CTCF: variants seen among roughly 807,000 people sequenced by gnomAD.
The protein encoded by CTCF is CCCTC-binding factor, also known as transcriptional repressor CTCF.
Under a neutral mutation model 72.3 loss-of-function variants are expected in CTCF, and 7 were observed. The observed-to-expected ratio is 0.10, with a 90% CI of 0.06 to 0.18. The LOEUF is 0.18. Among genes scored for constraint, CTCF ranks in the 10% least tolerant of loss-of-function variants. CTCF has a pLI of 1.00. For synonymous variants in CTCF, 374 were observed against 315.8 expected (o/e 1.18, Z -1.95); for missense variants, 516 against 949.1 (o/e 0.54, Z 6.00).
intron 2 of CTCF, among the ~76,000 whole-genome samples, chr16:67,609,692 T>G (rs1048830125): frequency 2.0e-5 from 3 of 151,654 alleles, no homozygotes; most frequent in African/African-American, 7.3e-5. Flanking sequence ...GGCGCGATCT[T>G]GGCTCACTGC....
At chr16:67,588,503 C>T (rs1391636132) in intron 2 of CTCF, among the ~76,000 whole-genome samples, 1 of 152,058 alleles carries the variant, frequency 6.6e-6, no homozygotes, top group East Asian at 1.9e-4. Context: ...TTAGGTTACT[C>T]TACACCAGCA....
chr16:67,632,090 G>A (rs1284903915), intron 10 of CTCF, among the ~76,000 whole-genome samples: 2 of 136,362 alleles, frequency 1.5e-5, no homozygotes, highest in South Asian at 2.3e-4. Flanking sequence ...AAAAAAAAAA[G>A]GGAAAAAAAT....
chr16:67,584,494 A>G (rs1221529203), intron 2 of CTCF, among the ~76,000 whole-genome samples: 1 of 151,240 alleles, frequency 6.6e-6, no homozygotes, highest in Non-Finnish European at 1.5e-5. Flanking sequence ...GCGTGGTGGA[A>G]TTTTTGTACT....
chr16:67,614,178 C>T (rs2052099068), intron 4 of CTCF: 1 of 151,510 alleles, frequency 6.6e-6, no homozygotes, highest in African/African-American at 2.4e-5. Flanking sequence ...GAAACCTCGT[C>T]TCTACTAAAA....
intron 2 of CTCF, among the ~76,000 whole-genome samples, chr16:67,587,099 C>CTTTTTTTTTTTTTTTTTTTTTT (rs1194757717): frequency 7.8e-6 from 1 of 127,588 alleles, no homozygotes; most frequent in Non-Finnish European, 1.7e-5. Context: ...ACTTCTTAAA[C>CTTTTTTTTTTTTTTTTTTTTTT]ATTTTTTTTT....
intron 10 of CTCF, 115 bp from the exon 11 acceptor site, chr16:67,636,575 A>G: frequency 3.2e-6 from 1 of 309,072 alleles, no homozygotes; most frequent in Non-Finnish European, 5.2e-6. Context: ...AAGTGTATAT[A>G]TATATATATA....
chr16:67,622,124 A>G (rs149149637), intron 7 of CTCF, among the ~76,000 whole-genome samples: 2,001 of 152,254 alleles, frequency 0.013, 28 homozygotes, highest in Non-Finnish European at 0.021. Flanking sequence ...TGGGAGGCCA[A>G]CGCGGGTGGA....
chr16:67,620,630 A>C, intron 5 of CTCF, 67 bp from the exon 6 acceptor site: 13 of 1,372,768 alleles, frequency 9.5e-6, no homozygotes, highest in Non-Finnish European at 1.3e-5. Flanking sequence ...TTTTGTGCCT[A>C]ACCTACTGTG....
intron 2 of CTCF, among the ~76,000 whole-genome samples, chr16:67,606,166 CCCTCT>C (rs1396160120): frequency 6.6e-6 from 1 of 152,088 alleles, no homozygotes; most frequent in Non-Finnish European, 1.5e-5. Context: ...TGTCTTACTA[CCCTCT>C]CCTCTGTCCT....
chr16:67,572,948 C>T (rs867488746), intron 2 of CTCF, among the ~76,000 whole-genome samples: 1 of 76,620 alleles, frequency 1.3e-5, no homozygotes, highest in Non-Finnish European at 2.5e-5. Context: ...CCCCCCCCCG[C>T]CCCCCCCCCC....
intron 4 of CTCF, among the ~76,000 whole-genome samples, chr16:67,613,120 G>A (rs2052082926): frequency 1.3e-5 from 2 of 152,330 alleles, no homozygotes; most frequent in South Asian, 4.1e-4. Context: ...CAGGTTCCCT[G>A]AGGTCTCTAA....
In CTCF at chr16:67,616,961, G is replaced by A. The variant is rs896801040; in HGVS notation, c.1086+83G>A. On this transcript the variant is annotated intron_variant, in intron 5 of 11. Transcript: ENST00000264010. ...ACAAAGCTATAACTACTACCCAAAC[G>A]GACTTAAGATGAGGTAGAAAAATGT... 2.9e-5 allele frequency: 41 copies of A among 1,405,804 alleles called. No individual in the cohort carries two copies. In the Admixed American group the frequency reaches 5.7e-4, roughly 20 times the overall value. The allele number at this position is 1,405,804 out of a possible 1,614,324, so 87.1% of individuals were successfully genotyped here.
intron 10 of CTCF, among the ~76,000 whole-genome samples, chr16:67,634,600 C>T (rs1367811878): frequency 1.3e-5 from 2 of 151,502 alleles, no homozygotes; most frequent in Non-Finnish European, 1.5e-5. Context: ...ACGCTGCAGC[C>T]TCTACCTCCC....
At chr16:67,573,162 G>A (rs1194378691) in intron 2 of CTCF, among the ~76,000 whole-genome samples, 1 of 151,948 alleles carries the variant, frequency 6.6e-6, no homozygotes. Context: ...TGAGGCAGAA[G>A]AATTGTTTGA....
chr16:67,621,744 G>A (rs2052201322), intron 7 of CTCF, among the ~76,000 whole-genome samples, 153 bp downstream of exon 7: 1 of 140,354 alleles, frequency 7.1e-6, no homozygotes, highest in African/African-American at 2.9e-5. Flanking sequence ...CCATTGCTTA[G>A]CTGCTTTTTT....
At chr16:67,609,576 T>C (rs2052029306) in intron 2 of CTCF, among the ~76,000 whole-genome samples, 1 of 152,062 alleles carries the variant, frequency 6.6e-6, no homozygotes, top group Non-Finnish European at 1.5e-5. Context: ...TTTATCTGTA[T>C]CAGAGTTTCT....
chr16:67,628,571 C>T lies in CTCF; in HGVS notation c.1701+19C>T. The T allele has an allele frequency of 1.2e-6, 2 of 1,610,806 alleles. No individual in the cohort carries two copies. The highest frequency in any genetic ancestry group is 1.7e-5 in the Admixed American group (1 of 59,860). ...ACGTCGGGTAAGGGTCAGAACTTCA[C>T]TTTGCCTGTTATGATACTGAATATT... On this transcript the variant is annotated intron_variant, in intron 9 of 11. Transcript: ENST00000264010.
chr16:67,565,867 T>C (rs960678645), intron 1 of CTCF, among the ~76,000 whole-genome samples: 2 of 152,202 alleles, frequency 1.3e-5, no homozygotes, highest in South Asian at 2.1e-4. Context: ...GGGGAGTTCC[T>C]TGGTGGAAGC....
At chr16:67,621,315 A>G in intron 6 of CTCF, 127 bp from the exon 7 acceptor site, 1 of 670,970 alleles carries the variant, frequency 1.5e-6, no homozygotes, top group African/African-American at 1.8e-5. Flanking sequence ...ACTGGGACTG[A>G]GCCTCAGCCT....
Sources: gnomAD v4.1 joint callset for allele counts (sites outside exome capture counted in the v4.1 genomes callset) on GRCh38, gnomAD v4.1.1 for gene constraint, MANE v1.5 for transcripts, NCBI Gene and HGNC (gene_info 2026-07-23, HGNC 2026-07-21) for gene names.